The following FOXN3 variants were observed in gnomAD, a reference collection of about 807,000 sequenced individuals.
FOXN3 encodes the protein forkhead box protein N3.
FOXN3 carries 7 observed loss-of-function variants against 38.4 expected under a neutral mutation model. The observed-to-expected ratio is 0.18, with a 90% CI of 0.10 to 0.34. FOXN3 has a LOEUF of 0.34. Among genes scored for constraint, FOXN3 ranks in the 10% least tolerant of loss-of-function variants. The probability of loss-of-function intolerance (pLI) is 1.00; values close to 1 mark genes in which losing one functional copy is unlikely to be tolerated. For synonymous variants in FOXN3, 230 were observed against 242.2 expected (o/e 0.95, Z 0.47); for missense variants, 456 against 613.4 (o/e 0.74, Z 2.71).
intron 3 of FOXN3, among the ~76,000 whole-genome samples, chr14:89,287,787 A>AC (rs1886678485): frequency 6.7e-6 from 1 of 148,628 alleles, no homozygotes. Flanking sequence ...CTGTTGGCTC[A>AC]CCCCTGTAAC....
chr14:89,376,441 A>G (rs1890479363), intron 2 of FOXN3, among the ~76,000 whole-genome samples: 2 of 152,262 alleles, frequency 1.3e-5, no homozygotes, highest in South Asian at 4.1e-4. Context: ...TGGTCATTAT[A>G]GTTCCTTTTC....
intron 1 of FOXN3, among the ~76,000 whole-genome samples, chr14:89,520,875 C>T (rs1566684829): frequency 6.6e-6 from 1 of 152,148 alleles, no homozygotes; most frequent in African/African-American, 2.4e-5. Context: ...ATTTTAAACA[C>T]CCATTAAAAC....
chr14:89,598,742 T>A (rs911071316), intron 1 of FOXN3, among the ~76,000 whole-genome samples: 5 of 152,262 alleles, frequency 3.3e-5, no homozygotes, highest in Non-Finnish European at 5.9e-5. Flanking sequence ...GTTGTCAGTC[T>A]TATTTTTCCT....
rs148470100 is a variant in FOXN3, at chr14:89,465,289, G to A, written c.-14-52799C>T. Among the ~76,000 whole-genome samples the A allele has an allele frequency of 3.5e-3, 526 of 152,160 alleles. 3 individuals carry two copies. The highest frequency in any genetic ancestry group is 6.0e-3 in the Admixed American group (91 of 15,294). On this transcript the variant is annotated intron_variant, in intron 1 of 6. Transcript: ENST00000345097. ...TCTGTTGCCAGGCTGGAGTGCAGTC[G>A]CACGATCTTGGCTCACTGCAACCTC... is the stretch of plus-strand genomic sequence containing the variant.
intron 2 of FOXN3, among the ~76,000 whole-genome samples, chr14:89,395,754 T>A (rs1891083055): frequency 6.6e-6 from 1 of 152,076 alleles, no homozygotes; most frequent in African/African-American, 2.4e-5. Context: ...TATTTATTAA[T>A]ATTAATATTA....
intron 1 of FOXN3, among the ~76,000 whole-genome samples, chr14:89,427,646 T>C (rs1302166203): frequency 1.3e-5 from 2 of 151,928 alleles, no homozygotes; most frequent in African/African-American, 4.8e-5. Context: ...GAAAAGGCAC[T>C]ACTTGCAAAA....
intron 2 of FOXN3, among the ~76,000 whole-genome samples, chr14:89,384,025 G>A (rs967621734): frequency 6.6e-6 from 1 of 152,162 alleles, no homozygotes; most frequent in Non-Finnish European, 1.5e-5. Context: ...ATTTGGTGGG[G>A]GGGGACATTT....
At chr14:89,340,270 A>C (rs1347936220) in intron 3 of FOXN3, among the ~76,000 whole-genome samples, 1 of 152,230 alleles carries the variant, frequency 6.6e-6, no homozygotes, top group Non-Finnish European at 1.5e-5. Context: ...TGTTGGAATA[A>C]GCAGCTCATA....
intron 1 of FOXN3, among the ~76,000 whole-genome samples, chr14:89,559,249 A>G (rs900991138): frequency 2.6e-5 from 4 of 152,136 alleles, no homozygotes; most frequent in African/African-American, 9.7e-5. Context: ...ATGTTGTGGC[A>G]TGTGCCTGTA....
At chr14:89,224,033 T>C (rs1884554301) in intron 4 of FOXN3, among the ~76,000 whole-genome samples, 1 of 151,826 alleles carries the variant, frequency 6.6e-6, no homozygotes, top group African/African-American at 2.4e-5. Context: ...CTTGAGACTT[T>C]AACTTAAAAT....
At chr14:89,449,413 G>A (rs1268826806) in intron 1 of FOXN3, among the ~76,000 whole-genome samples, 1 of 151,892 alleles carries the variant, frequency 6.6e-6, no homozygotes, top group African/African-American at 2.4e-5. Context: ...TCTTTTCTTT[G>A]TCTCAAACCC....
chr14:89,257,114 A>G (rs1333475302), intron 4 of FOXN3, among the ~76,000 whole-genome samples: 2 of 152,308 alleles, frequency 1.3e-5, no homozygotes, highest in East Asian at 3.9e-4. Context: ...AGAGTCCCCC[A>G]GGGCTAGGGC....
At chr14:89,171,406 C>T (rs542483085) in intron 5 of FOXN3, among the ~76,000 whole-genome samples, 12 of 152,066 alleles carry the variant, frequency 7.9e-5, no homozygotes, top group South Asian at 2.1e-4. Flanking sequence ...AGAATGAATA[C>T]GCCTCAACTC....
rs757461952 is a variant in FOXN3 at position 89,162,704 on chromosome 14, C to T, written c.1117G>A (p.Glu373Lys). The T allele has an allele frequency of 6.2e-7, 1 of 1,613,978 alleles. No homozygotes were observed. The highest frequency in any genetic ancestry group is 8.5e-7 in the Non-Finnish European group (1 of 1,180,028). The part of the protein sequence containing the change: ...RSHESPSDTE[E>K]DDRKHSQKEP... Reference sequence around the variant, plus strand: ...TTCTGGCTGTGCTTCCTGTCGTCCTCTTCCGTGTCGCTGGGGCTCTCGTGG... The same window carrying T: ...TTCTGGCTGTGCTTCCTGTCGTCCTTTTCCGTGTCGCTGGGGCTCTCGTGG... Residue 373 changes from glutamate to lysine, a missense_variant, in exon 6 of 6, where the codon GAG (glutamate) becomes AAG (lysine). Transcript: ENST00000557258. The surrounding 1 kb of genome is among the most constrained non-coding windows in gnomAD (Gnocchi z 7.2).
intron 4 of FOXN3, among the ~76,000 whole-genome samples, chr14:89,225,883 T>G (rs1884621392): frequency 6.6e-6 from 1 of 152,180 alleles, no homozygotes; most frequent in Non-Finnish European, 1.5e-5. Flanking sequence ...TTTTAACATC[T>G]TCACTCAGAA....
intron 4 of FOXN3, among the ~76,000 whole-genome samples, chr14:89,280,552 A>G (rs1399888781): frequency 6.6e-6 from 1 of 152,196 alleles, no homozygotes; most frequent in Non-Finnish European, 1.5e-5. Context: ...TGCCAGAATA[A>G]CCAAACCCTC....
intron 2 of FOXN3, among the ~76,000 whole-genome samples, chr14:89,396,415 G>A (rs1234443688): frequency 6.6e-6 from 1 of 152,194 alleles, no homozygotes; most frequent in Non-Finnish European, 1.5e-5. Flanking sequence ...CACTTTCACT[G>A]GACCCCAGAT....
chr14:89,596,708 T>C (rs1199957888), intron 1 of FOXN3, among the ~76,000 whole-genome samples: 3 of 152,218 alleles, frequency 2.0e-5, no homozygotes, highest in Admixed American at 6.5e-5. Flanking sequence ...TGAGGAGACA[T>C]AGAGCAACTC....
intron 4 of FOXN3, among the ~76,000 whole-genome samples, chr14:89,280,748 A>G (rs1886433380): frequency 6.6e-6 from 1 of 152,040 alleles, no homozygotes; most frequent in Non-Finnish European, 1.5e-5. Context: ...CAGACTCATG[A>G]TTCACAGCGA....
Sources: allele counts gnomAD v4.1 joint callset (sites outside exome capture counted in the v4.1 genomes callset), GRCh38; gene constraint gnomAD v4.1.1; non-coding constraint Gnocchi (gnomAD v3.1); transcripts MANE v1.5; gene names NCBI Gene and HGNC (gene_info 2026-07-23, HGNC 2026-07-21).